The following KCNJ3 variants were observed in gnomAD, a reference collection of about 807,000 sequenced individuals.
KCNJ3 encodes the protein G protein-activated inward rectifier potassium channel 1.
Under a neutral mutation model 39.2 loss-of-function variants are expected in KCNJ3, and 4 were observed. The ratio of observed to expected loss-of-function variants is 0.10; its 90% CI spans 0.05 to 0.23. The LOEUF (loss-of-function observed/expected upper bound fraction) is 0.23, where lower values mean the gene tolerates loss of function less well. Ranked by LOEUF, KCNJ3 falls within the 10% of genes least tolerant of loss-of-function variation. KCNJ3 has a pLI of 1.00. For synonymous variants in KCNJ3, 230 were observed against 237.4 expected (o/e 0.97, Z 0.29); for missense variants, 276 against 634.9 (o/e 0.43, Z 6.08).
At chr2:154,762,256 A>G (rs17623141) in intron 2 of KCNJ3, among the ~76,000 whole-genome samples, 49,874 of 152,202 alleles carry the variant, frequency 0.33, 9,503 homozygotes, top group Non-Finnish European at 0.43. Context: ...AAATTGTTTT[A>G]CAAGGCTCTG....
intron 2 of KCNJ3, among the ~76,000 whole-genome samples, chr2:154,763,047 CT>C (rs1359124394): frequency 6.6e-6 from 1 of 152,178 alleles, no homozygotes; most frequent in Non-Finnish European, 1.5e-5. Context: ...ACAACTGCAA[CT>C]GTTGTGATGA....
In KCNJ3 at chr2:154,855,457, T is replaced by C. The variant is rs1041811676; in HGVS notation, c.*144T>C. The C allele has an allele frequency of 6.3e-6, 4 of 629,964 alleles. No individual in the cohort carries two copies. In the Admixed American group the frequency reaches 1.3e-4, roughly 20 times the overall value. The allele number at this position is 629,964 out of a possible 1,614,324, so 39.0% of individuals were successfully genotyped here. A position where few individuals can be genotyped will look rare whatever the true frequency, so the allele number is the denominator to read the frequency against. ...ATTTGAGAACCCTTCCTTTCCCAAG[T>C]ATTGCGAATGTGCAGAAAGCAACAG... On this transcript the variant is annotated 3_prime_UTR_variant, in exon 3 of 3. Transcript: ENST00000295101.
chr2:154,749,381 G>A (rs1341339847), intron 2 of KCNJ3, among the ~76,000 whole-genome samples: 1 of 152,088 alleles, frequency 6.6e-6, no homozygotes, highest in Non-Finnish European at 1.5e-5. Flanking sequence ...TATGGTTCCT[G>A]CAGGTAGTCA....
intron 2 of KCNJ3, among the ~76,000 whole-genome samples, chr2:154,824,730 T>C (rs1366210883): frequency 6.6e-6 from 1 of 152,156 alleles, no homozygotes; most frequent in Non-Finnish European, 1.5e-5. Context: ...ACCATTGTCG[T>C]GTATGGAAAT....
intron 2 of KCNJ3, among the ~76,000 whole-genome samples, chr2:154,770,899 T>TC (rs1226872732): frequency 2.0e-5 from 3 of 148,856 alleles, no homozygotes; most frequent in Non-Finnish European, 4.5e-5. Flanking sequence ...TTTCTTTTTT[T>TC]TTTTTTTTTG....
intron 2 of KCNJ3, among the ~76,000 whole-genome samples, chr2:154,820,036 T>C (rs1202628175): frequency 6.6e-6 from 1 of 152,172 alleles, no homozygotes; most frequent in Non-Finnish European, 1.5e-5. Context: ...TGGAAAATAC[T>C]CTTCCCTCAG....
intron 2 of KCNJ3, among the ~76,000 whole-genome samples, chr2:154,833,624 T>C (rs898858134): frequency 6.6e-6 from 1 of 152,216 alleles, no homozygotes; most frequent in Non-Finnish European, 1.5e-5. Flanking sequence ...TGTATGATGA[T>C]GTATAACCAT....
intron 2 of KCNJ3, among the ~76,000 whole-genome samples, chr2:154,791,514 T>C (rs1686634294): frequency 6.6e-6 from 1 of 152,070 alleles, no homozygotes; most frequent in South Asian, 2.1e-4. Context: ...AGTTAGTGGA[T>C]GGCAAGGCCA....
At chr2:154,799,120 G>A (rs1222581774) in intron 2 of KCNJ3, among the ~76,000 whole-genome samples, 2 of 152,066 alleles carry the variant, frequency 1.3e-5, no homozygotes, top group African/African-American at 4.8e-5. Context: ...AAAAGAAACA[G>A]TAAGTTTTTT....
intron 2 of KCNJ3, among the ~76,000 whole-genome samples, chr2:154,770,756 T>C (rs951619767): frequency 2.0e-5 from 3 of 152,136 alleles, no homozygotes; most frequent in African/African-American, 7.2e-5. Context: ...TGACAGCTGT[T>C]CTATAACAAA....
intron 2 of KCNJ3, among the ~76,000 whole-genome samples, chr2:154,814,757 A>G (rs1456562746): frequency 6.6e-6 from 1 of 152,236 alleles, no homozygotes; most frequent in Non-Finnish European, 1.5e-5. Flanking sequence ...TTTATTTTAT[A>G]ATTATCTCTG....
intron 2 of KCNJ3, among the ~76,000 whole-genome samples, chr2:154,759,302 T>C (rs1295743500): frequency 1.3e-5 from 2 of 152,100 alleles, no homozygotes; most frequent in African/African-American, 4.8e-5. Context: ...AGAAGGACTC[T>C]CCAATGCACC....
intron 2 of KCNJ3, among the ~76,000 whole-genome samples, chr2:154,721,667 G>A (rs767919850): frequency 4.6e-5 from 7 of 151,940 alleles, no homozygotes; most frequent in Non-Finnish European, 8.8e-5. Context: ...GGAAAAAAAG[G>A]CACATTTATG....
At chr2:154,748,809 G>A (rs932009136) in intron 2 of KCNJ3, among the ~76,000 whole-genome samples, 9 of 151,964 alleles carry the variant, frequency 5.9e-5, no homozygotes, top group African/African-American at 9.7e-5. Context: ...AACACAAATC[G>A]TTTCACTTGT....
intron 2 of KCNJ3, among the ~76,000 whole-genome samples, chr2:154,756,236 G>A (rs1470110764): frequency 6.6e-6 from 1 of 152,034 alleles, no homozygotes; most frequent in Non-Finnish European, 1.5e-5. Context: ...AAATAATAAT[G>A]ATAATGGTAG....
chr2:154,801,783 C>T (rs769934418), intron 2 of KCNJ3, among the ~76,000 whole-genome samples: 1 of 151,908 alleles, frequency 6.6e-6, no homozygotes, highest in Non-Finnish European at 1.5e-5. Flanking sequence ...TGTGCCACCA[C>T]ACCTGGCTAA....
rs188004822 is a variant in KCNJ3 at position 154,832,314 on chromosome 2, G to C, written c.920-22413G>C. On this transcript the variant is annotated intron_variant, in intron 2 of 2. Coordinates refer to ENST00000295101, the MANE Select transcript of KCNJ3 (RefSeq NM_002239.4). ...ATGGAAAGGACTTGTGATAGTGAGA[G>C]TCCCTGAAGCTTAATCTTCACAAGT... 2.9e-3 allele frequency among the ~76,000 whole-genome samples: 447 copies of C among 152,282 alleles called. 8 individuals are homozygous for C. The highest frequency in any genetic ancestry group is 8.5e-4 in the Non-Finnish European group (58 of 68,032).
At chr2:154,746,609 GATATATAT>G (rs59587484) in intron 2 of KCNJ3, among the ~76,000 whole-genome samples, 8 of 143,384 alleles carry the variant, frequency 5.6e-5, no homozygotes, top group African/African-American at 1.8e-4. Context: ...CGTATACACA[GATATATAT>G]ATATATATAT....
intron 2 of KCNJ3, among the ~76,000 whole-genome samples, chr2:154,763,644 C>CTAGG (rs1473398392): frequency 4.6e-5 from 7 of 152,064 alleles, no homozygotes; most frequent in Non-Finnish European, 7.4e-5. Context: ...TAGAGGAAAG[C>CTAGG]TAGGTTTTCC....
Sources: allele counts gnomAD v4.1 joint callset (sites outside exome capture counted in the v4.1 genomes callset), GRCh38; gene constraint gnomAD v4.1.1; transcripts MANE v1.5; gene names NCBI Gene and HGNC (gene_info 2026-07-23, HGNC 2026-07-21).